PCED1A: variants seen among roughly 807,000 people sequenced by gnomAD.
PCED1A encodes the protein PC-esterase domain-containing protein 1A.
PCED1A carries 20 observed loss-of-function variants against 41.9 expected under a neutral mutation model. The observed-to-expected ratio is 0.48, with a 90% CI of 0.34 to 0.69. The LOEUF (loss-of-function observed/expected upper bound fraction) is 0.69. Ranked by LOEUF, PCED1A falls within the 30% of genes least tolerant of loss-of-function variation. The pLI is 0.01. For synonymous variants in PCED1A, 236 were observed against 241.3 expected (o/e 0.98, Z 0.20); for missense variants, 498 against 602.1 (o/e 0.83, Z 1.81).
In PCED1A at chr20:2,838,213, C is replaced by G. The variant is rs200581071; in HGVS notation, c.841+19G>C. ...GGGCCCCAGTGCATCACTACCCCCC[C>G]ACTTATGGTAGGGCTCACCAGGGGG... On this transcript the variant is annotated intron_variant, in intron 6 of 7. Transcript: ENST00000360652. The surrounding 1 kb of genome is among the most constrained non-coding windows in gnomAD (Gnocchi z 5.8). 2.0e-4 allele frequency: 326 copies of G among 1,613,704 alleles called. No homozygotes were observed. The highest frequency in any genetic ancestry group is 1.5e-3 in the Middle Eastern group (9 of 5,832).
At chr20:2,840,899 C>T (rs1241912002), upstream of PCED1A, 5 of 1,417,426 alleles carry the variant, frequency 3.5e-6, no homozygotes, top group African/African-American at 1.4e-5. Flanking sequence ...CTCCCGGCGG[C>T]GTTCGCCCCT....
rs772354602 is a variant in PCED1A at position 2,836,227 on chromosome 20, A to C, written c.929T>G (p.Leu310Trp). 1 of 1,614,006 alleles carries C rather than the reference A, an allele frequency of 6.2e-7. No individual in the cohort carries two copies. Among genetic ancestry groups the C allele is most frequent in the South Asian group, 1.1e-5 (1 of 91,086 alleles). Residue 310 changes from leucine (L) to tryptophan (W), a missense_variant, in exon 7 of 8, where the codon TTG becomes TGG. Physicochemically the swap from Leu to Trp is moderately conservative, Grantham distance 61 (BLOSUM62 -2). Transcript: ENST00000360652. ...QTPDFGEHLA[L>W]LPPPPSSLPP... is the part of the protein sequence containing the mutation. ...CAAAGAAGAAGGTGGGGGTGGGAGC[A>C]AGGCCAGGTGCTCCCCGAAGTCTGG...
intron 6 of PCED1A, 49 bp from the exon 7 acceptor site, chr20:2,836,363 T>C: frequency 1.3e-6 from 2 of 1,514,054 alleles, no homozygotes; most frequent in East Asian, 4.5e-5. Flanking sequence ...CAGGCTGCCC[T>C]GAACTCTGGC....
At chr20:2,839,346 T>C (rs2088902046) in intron 2 of PCED1A, 75 bp from the exon 3 acceptor site, 1 of 1,416,574 alleles carries the variant, frequency 7.1e-7, no homozygotes, top group Non-Finnish European at 9.9e-7. Flanking sequence ...CAGGACCCCA[T>C]TTTCCCAGGG....
chr20:2,838,323 G>T lies in PCED1A; in HGVS notation c.750C>A (p.Asp250Glu), dbSNP rs770326409. ...GTGAGAGGTGGCGGTGTGCATGCTG[G>T]TCCCAGTGGACACCATCCCGATGAC... The part of the protein sequence containing the change: ...QHRHRDGVHW[D>E]QHAHRHLSHL... The change falls in exon 6 of 8, where the codon GAC becomes GAA. Residue 250 changes from aspartate to glutamate, a missense_variant. Around this residue, in one of 2 missense-constraint regions of PCED1A, gnomAD observed 253 missense variants for 369.7 expected, o/e 0.68. Coordinates refer to ENST00000360652, the MANE Select transcript of PCED1A (RefSeq NM_022760.6). The surrounding 1 kb of genome is among the most constrained non-coding windows in gnomAD (Gnocchi z 5.8). The T allele has an allele frequency of 1.2e-6, 2 of 1,614,106 alleles. No individual in the cohort carries two copies. The highest frequency in any genetic ancestry group is 3.3e-5 in the Admixed American group (2 of 60,008).
intron 7 of PCED1A, among the ~76,000 whole-genome samples, 153 bp from the exon 8 acceptor site, chr20:2,835,862 T>A (rs1457534089): frequency 6.6e-6 from 1 of 152,154 alleles, no homozygotes; most frequent in East Asian, 1.9e-4. Flanking sequence ...GGTGAAACAG[T>A]GACAACCAGT....
rs2088886536 is a variant in PCED1A at position 2,838,876 on chromosome 20, C to T, written c.411G>A (p.Val137=). Residue 137 remains valine (V), a synonymous_variant, in exon 4 of 8, where the codon GTG becomes GTA. Transcript: ENST00000360652. This position sits in a 1 kb window ranked among gnomAD's most constrained non-coding sequence, Gnocchi z 5.8. ...ELTYGPAPDL[V]IINSCLWDLS... ...GATCCCAGAGGCAGGAGTTGATGAT[C>T]ACCAGGTCCGGGGCAGGTCCATATG... 1 of 1,614,130 alleles carries T rather than the reference C, an allele frequency of 6.2e-7. No individual in the cohort carries two copies. Among genetic ancestry groups the T allele is most frequent in the Non-Finnish European group, 8.5e-7 (1 of 1,180,034 alleles).
Position 2,839,085 on chromosome 20 carries a change from A to ATGGGCCCC in PCED1A, c.205-4_205-3insGGGGCCCA. On this transcript the variant is annotated splice_region_variant and splice_polypyrimidine_tract_variant and intron_variant, in intron 3 of 7. Coordinates refer to ENST00000360652, the MANE Select transcript of PCED1A (RefSeq NM_022760.6). ...TCCTGTTCAAAGCTCAGCTCCCCCTACCCACCCCCCCCACCCTACTGGTCA... is the reference window on the plus strand; with the variant it reads ...TCCTGTTCAAAGCTCAGCTCCCCCTATGGGCCCCCCCACCCCCCCCACCCTACTGGTCA... 1 of 491,486 alleles carries ATGGGCCCC rather than the reference A, an allele frequency of 2.0e-6. No homozygotes were observed. Among genetic ancestry groups the ATGGGCCCC allele is most frequent in the Non-Finnish European group, 3.5e-6 (1 of 287,670 alleles). 30.4% of individuals were successfully genotyped at this position (491,486 alleles called of 1,614,324 possible).
Position 2,835,582 on chromosome 20 carries a change from G to A in PCED1A, c.1245C>T (p.Pro415=). Residue 415 remains proline (P), a synonymous_variant, in exon 8 of 8, where the codon CCC becomes CCT. Transcript: ENST00000360652. ...GCCCCCCCATTCTCCGCACATGGTAGGGGCTGTTAGGAACATAGCGTGGCA... is the reference window on the plus strand; with the variant it reads ...GCCCCCCCATTCTCCGCACATGGTAAGGGCTGTTAGGAACATAGCGTGGCA... ...RGMPRYVPNS[P]YHVRRMGGPC... The A allele has an allele frequency of 6.2e-7, 1 of 1,614,234 alleles. No homozygotes were observed. The highest frequency in any genetic ancestry group is 8.5e-7 in the Non-Finnish European group (1 of 1,180,020).
chr20:2,836,352 C>T (rs763782803), intron 6 of PCED1A, 38 bp from the exon 7 acceptor site: 11 of 1,567,610 alleles, frequency 7.0e-6, no homozygotes, highest in Non-Finnish European at 9.7e-6. Context: ...GGCTTGGGAG[C>T]CAGGCTGCCC....
Position 2,835,397 on chromosome 20 carries a change from T to A in PCED1A, c.*65A>T. The A allele has an allele frequency of 6.5e-7, 1 of 1,542,832 alleles. No homozygotes were observed. The highest frequency in any genetic ancestry group is 8.8e-7 in the Non-Finnish European group (1 of 1,139,096). On this transcript the variant is annotated 3_prime_UTR_variant, in exon 8 of 8. Transcript: ENST00000360652. ...AGGCATAGCAGACACCCTAGCCCAG[T>A]ACCTGAGGTGCCAGGCAGGCCCTGA...
Position 2,838,300 on chromosome 20 carries a change from G to A in PCED1A, c.773C>T (p.Ser258Leu). Residue 258 changes from serine to leucine, a missense_variant, in exon 6 of 8, where the codon TCA becomes TTA. Around this residue, in one of 2 missense-constraint regions of PCED1A, gnomAD observed 253 missense variants for 369.7 expected, o/e 0.68. Coordinates refer to ENST00000360652, the MANE Select transcript of PCED1A (RefSeq NM_022760.6). This position sits in a 1 kb window ranked among gnomAD's most constrained non-coding sequence, Gnocchi z 5.8. ...AGCCACATGGGTCAGAAGCAGGTGT[G>A]AGAGGTGGCGGTGTGCATGCTGGTC... The part of the protein sequence containing the change: ...HWDQHAHRHL[S>L]HLLLTHVADA... 1 of 1,614,270 alleles carries A rather than the reference G, an allele frequency of 6.2e-7. No homozygotes were observed. Among genetic ancestry groups the A allele is most frequent in the Non-Finnish European group, 8.5e-7 (1 of 1,180,050 alleles).
At chr20:2,840,989 G>C, upstream of PCED1A, 1 of 668,928 alleles carries the variant, frequency 1.5e-6, no homozygotes, top group Non-Finnish European at 2.5e-6. Context: ...CCTTTGGGCA[G>C]GGAGCCGGGC....
rs1176770364 is a variant in PCED1A, at chr20:2,840,063, C to G, written c.-21-130G>C. 5.0e-6 allele frequency: 5 copies of G among 1,002,918 alleles called. No individual in the cohort carries two copies. The East Asian group carries it at 1.4e-4, about 28-fold the overall frequency. 62.1% of individuals were successfully genotyped at this position (1,002,918 alleles called of 1,614,324 possible). ...GGCAGCAGAGCCATGGTGGCGCCAG[C>G]CTTGGTCACACTTGGTACCAGAGGC... On this transcript the variant is annotated intron_variant, in intron 1 of 7. Coordinates refer to ENST00000360652, the MANE Select transcript of PCED1A (RefSeq NM_022760.6).
chr20:2,836,926 C>T (rs1207244899), intron 6 of PCED1A, among the ~76,000 whole-genome samples: 4 of 152,164 alleles, frequency 2.6e-5, no homozygotes, highest in Non-Finnish European at 4.4e-5. Context: ...GCATGAGCAT[C>T]GTTCTGTCTC....
chr20:2,839,605 G>T (rs1247811894), intron 2 of PCED1A, among the ~76,000 whole-genome samples, 184 bp downstream of exon 2: 1 of 152,174 alleles, frequency 6.6e-6, no homozygotes, highest in Non-Finnish European at 1.5e-5. Context: ...GCTAAAAAGT[G>T]CACAGGTTAT....
In PCED1A at chr20:2,836,044, T is replaced by C; in HGVS notation, c.1112A>G (p.His371Arg). 1 of 1,475,874 alleles carries C rather than the reference T, an allele frequency of 6.8e-7. No homozygotes were observed. Among genetic ancestry groups the C allele is most frequent in the South Asian group, 1.4e-5 (1 of 71,500 alleles). 91.4% of individuals were successfully genotyped at this position (1,475,874 alleles called of 1,614,324 possible). A position where few individuals can be genotyped will look rare whatever the true frequency, so the allele number is the denominator to read the frequency against. ...GGAGCTGCAGAAGCACCTACCTAAG[T>C]GGGGTGGCATCGAGAAGTCCTCCAC... ...NPVEDFSMPP[H>R]LGCGPGVNFV... The change falls in exon 7 of 8, where the codon CAC (histidine) becomes CGC (arginine). Residue 371 changes from histidine to arginine, a missense_variant. His to Arg is a conservative substitution (Grantham distance 29). Around this residue, in one of 2 missense-constraint regions of PCED1A, gnomAD observed 245 missense variants for 232.4 expected, o/e 1.05. Coordinates refer to ENST00000360652, the MANE Select transcript of PCED1A (RefSeq NM_022760.6).
chr20:2,836,460 C>A (rs2088837525), intron 6 of PCED1A, 146 bp from the exon 7 acceptor site: 1 of 709,174 alleles, frequency 1.4e-6, no homozygotes, highest in Admixed American at 2.5e-5. Context: ...CAGTTTTCCT[C>A]ATTCCCTCTC....
At position 2,839,885 on chromosome 20, in the gene PCED1A, GCTC is replaced by G; in HGVS notation, c.25_27del (p.Glu9del). 6.2e-7 allele frequency: 1 copy of G among 1,613,332 alleles called. No homozygotes were observed. Among genetic ancestry groups the G allele is most frequent in the African/African-American group, 1.3e-5 (1 of 74,952 alleles). On this transcript the variant is annotated inframe_deletion, in exon 2 of 8. Coordinates refer to ENST00000360652, the MANE Select transcript of PCED1A (RefSeq NM_022760.6). ...ATGTCGCTTCGCAGCGGGCGGCGCG[GCTC>G]CTCGCTCGACAGACAGAAGACCATG...
Sources: gnomAD v4.1 joint callset for allele counts (sites outside exome capture counted in the v4.1 genomes callset) on GRCh38, gnomAD v4.1.1 for gene constraint, gnomAD v4.1.1 regional missense constraint, Gnocchi (gnomAD v3.1) non-coding constraint, MANE v1.5 for transcripts, NCBI Gene and HGNC (gene_info 2026-07-23, HGNC 2026-07-21) for gene names.